Variants in ITGA3 observed in about 807,000 individuals in gnomAD.
ITGA3 encodes the protein integrin subunit alpha 3.
Under a neutral mutation model 131.1 loss-of-function variants are expected in ITGA3, and 70 were observed. That is an observed-to-expected ratio of 0.53 (90% CI 0.44 to 0.65). The LOEUF (loss-of-function observed/expected upper bound fraction) is 0.65, where lower values mean the gene tolerates loss of function less well. ITGA3 is among the 30% of genes least tolerant of loss of function. The pLI, the probability that ITGA3 is intolerant of heterozygous loss-of-function variation, is 0.00. For synonymous variants in ITGA3, 537 were observed against 571.6 expected, an observed-to-expected ratio of 0.94 and a Z score of 0.86; for missense variants, 1,098 against 1,388.6, an observed-to-expected ratio of 0.79 and a Z score of 3.33.
intron 1 of ITGA3, among the ~76,000 whole-genome samples, chr17:50,059,483 A>G (rs911630278): frequency 6.6e-6 from 1 of 152,206 alleles, no homozygotes; most frequent in African/African-American, 2.4e-5. Flanking sequence ...CTCACCTGCC[A>G]TGCTCTCCTA....
At chr17:50,074,047 G>C (rs1376455158) in intron 8 of ITGA3, 43 bp downstream of exon 8, 1 of 1,561,242 alleles carries the variant, frequency 6.4e-7, no homozygotes, top group Admixed American at 1.7e-5. Context: ...CACCAGCCGA[G>C]ATGGGCCTTC....
rs1390476298 is a variant in ITGA3 at position 50,076,530 on chromosome 17, C to T, written c.1825-54C>T. The T allele has an allele frequency of 6.3e-7, 1 of 1,594,900 alleles. No homozygotes were observed. Among genetic ancestry groups the T allele is most frequent in the Non-Finnish European group, 8.6e-7 (1 of 1,168,730 alleles). The stretch of plus-strand genomic sequence containing the variant: ...ACCAGGGGCCAGAAGGGCGGTGGGG[C>T]GAGAGGGCACTGGGGGGGGTGGTGC... On this transcript the variant is annotated intron_variant, in intron 13 of 25. Coordinates refer to ENST00000320031, the MANE Select transcript of ITGA3 (RefSeq NM_002204.4).
At position 50,071,370 on chromosome 17, in the gene ITGA3, G is replaced by A; in HGVS notation, c.811G>A (p.Gly271Ser). ...LHPKNITIVT[G>S]APRHRHMGAV... ...CCCCAAAAACATCACCATTGTGACA[G>A]GTGCCCCACGGCACCGACATATGGG... Residue 271 changes from glycine (G) to serine (S), a missense_variant, in exon 6 of 26, where the codon GGT becomes AGT. By Grantham distance (56) the Gly-to-Ser change is moderately conservative. Around this residue, in one of 3 missense-constraint regions of ITGA3, gnomAD observed 356 missense variants for 529.2 expected, o/e 0.67. Coordinates refer to ENST00000320031, the MANE Select transcript of ITGA3 (RefSeq NM_002204.4). 1 of 1,614,208 alleles carries A rather than the reference G, an allele frequency of 6.2e-7. No homozygotes were observed. Among genetic ancestry groups the A allele is most frequent in the South Asian group, 1.1e-5 (1 of 91,088 alleles).
intron 6 of ITGA3, 160 bp from the exon 7 acceptor site, chr17:50,071,826 C>T: frequency 1.5e-6 from 1 of 665,580 alleles, no homozygotes; most frequent in South Asian, 1.9e-5. Flanking sequence ...TTGGCATCTC[C>T]ATGTCCTTCC....
chr17:50,082,817 A>G (rs193158873), intron 23 of ITGA3, among the ~76,000 whole-genome samples: 1 of 152,304 alleles, frequency 6.6e-6, no homozygotes, highest in African/African-American at 2.4e-5. Flanking sequence ...TTGAGAAATG[A>G]TTAGAAAAAA....
intron 7 of ITGA3, among the ~76,000 whole-genome samples, chr17:50,073,010 G>A (rs548157313): frequency 1.9e-4 from 29 of 152,252 alleles, no homozygotes; most frequent in African/African-American, 6.7e-4. Flanking sequence ...AGCCTCTGAA[G>A]ACCCAAAATA....
chr17:50,073,807 A>C (rs1397451602), intron 7 of ITGA3, 109 bp from the exon 8 acceptor site: 2 of 782,182 alleles, frequency 2.6e-6, no homozygotes, highest in East Asian at 4.9e-5. Flanking sequence ...CTGCCCATCA[A>C]TCAGGCCAAG....
At chr17:50,075,810 G>A in intron 12 of ITGA3, 75 bp downstream of exon 12, 5 of 1,515,082 alleles carry the variant, frequency 3.3e-6, no homozygotes, top group Non-Finnish European at 4.5e-6. Context: ...CCTAGATCAA[G>A]GGTGAGGGAC....
chr17:50,057,381 A>T (rs1255591742), intron 1 of ITGA3, among the ~76,000 whole-genome samples: 1 of 152,204 alleles, frequency 6.6e-6, no homozygotes, highest in East Asian at 1.9e-4. Context: ...TTGAAGAGGG[A>T]AACAGTGTTT....
chr17:50,074,559 C>T (rs950379864), intron 10 of ITGA3, 25 bp downstream of exon 10: 1 of 1,537,196 alleles, frequency 6.5e-7, no homozygotes, highest in African/African-American at 1.4e-5. Flanking sequence ...CCCACCTACT[C>T]CTCATTTATT....
rs61730088 is a variant in ITGA3 at position 50,071,488 on chromosome 17, C to T, written c.929C>T (p.Ala310Val). Residue 310 changes from alanine (A) to valine (V), a missense_variant, in exon 6 of 26, where the codon GCC (alanine) becomes GTC (valine). By Grantham distance (64) the Ala-to-Val change is moderately conservative (BLOSUM62 0). Transcript: ENST00000320031. ...CAGGTGGGCGCCTATTTTGGCAGCGCCATTGCCCTGGCAGACCTGAACAAT... is the reference window on the plus strand; with the variant it reads ...CAGGTGGGCGCCTATTTTGGCAGCGTCATTGCCCTGGCAGACCTGAACAAT... ...GSQVGAYFGS[A>V]IALADLNNDG... 9,243 of 1,611,252 alleles carry T rather than the reference C, an allele frequency of 5.7e-3. 33 individuals are homozygous for T. The highest frequency in any genetic ancestry group is 6.8e-3 in the Non-Finnish European group (7,980 of 1,179,806).
Position 50,056,562 on chromosome 17 carries a change from A to C in ITGA3, c.123A>C (p.Val41=). 6.4e-7 allele frequency: 1 copy of C among 1,573,704 alleles called. No individual in the cohort carries two copies. The highest frequency in any genetic ancestry group is 8.6e-7 in the Non-Finnish European group (1 of 1,160,570). ...TCAACCTGGATACCCGATTCCTGGT[A>C]GTGAAGGAGGCCGGGAACCCGGGCA... ...SAFNLDTRFL[V]VKEAGNPGSL... is the part of the protein sequence containing the mutation. The change falls in exon 1 of 26, where the codon GTA becomes GTC. Residue 41 remains valine (V), a synonymous_variant. Coordinates refer to ENST00000320031, the MANE Select transcript of ITGA3 (RefSeq NM_002204.4). This position sits in a 1 kb window ranked among gnomAD's most constrained non-coding sequence, Gnocchi z 5.6.
At chr17:50,070,960 G>A in intron 5 of ITGA3, 30 bp downstream of exon 5, 1 of 1,374,586 alleles carries the variant, frequency 7.3e-7, no homozygotes, top group Non-Finnish European at 1.0e-6. Flanking sequence ...CCCATCAAGT[G>A]GTAGAGGGGA....
intron 23 of ITGA3, among the ~76,000 whole-genome samples, chr17:50,082,684 C>A (rs555094708): frequency 6.6e-6 from 1 of 152,264 alleles, no homozygotes; most frequent in South Asian, 2.1e-4. Context: ...ATACCCAAAC[C>A]CCCTAGGTTT....
chr17:50,087,731 C>G lies in ITGA3; in HGVS notation c.2920-13C>G. 6.2e-7 allele frequency: 1 copy of G among 1,610,066 alleles called. No individual in the cohort carries two copies. Among genetic ancestry groups the G allele is most frequent in the Non-Finnish European group, 8.5e-7 (1 of 1,177,856 alleles). On this transcript the variant is annotated splice_polypyrimidine_tract_variant and intron_variant, in intron 23 of 25. Coordinates refer to ENST00000320031, the MANE Select transcript of ITGA3 (RefSeq NM_002204.4). ...GGCTGACACAGGGCTGAGTCCTCCTCTCCCCGCTCCAGTTCTCTGTGGACA... is the reference window on the plus strand; with the variant it reads ...GGCTGACACAGGGCTGAGTCCTCCTGTCCCCGCTCCAGTTCTCTGTGGACA...
At chr17:50,063,966 G>T in intron 1 of ITGA3, 111 bp from the exon 2 acceptor site, 3 of 1,421,972 alleles carry the variant, frequency 2.1e-6, no homozygotes, top group East Asian at 2.5e-5. Context: ...GGCAGGAGCT[G>T]GGGGTCTCCT....
At chr17:50,078,630 A>G (rs1221529497) in intron 18 of ITGA3, among the ~76,000 whole-genome samples, 194 bp from the exon 19 acceptor site, 4 of 152,216 alleles carry the variant, frequency 2.6e-5, no homozygotes, top group Non-Finnish European at 5.9e-5. Context: ...TCCATTTTAC[A>G]GATGAGGAGA....
rs934059677 is a variant in ITGA3 at position 50,090,347 on chromosome 17, C to T, written c.*1269C>T. The T allele has an allele frequency of 4.7e-6, 2 of 428,924 alleles. No homozygotes were observed. The highest frequency in any genetic ancestry group is 4.8e-5 in the Admixed American group (2 of 41,430). 26.6% of individuals were successfully genotyped at this position (428,924 alleles called of 1,614,324 possible). On this transcript the variant is annotated 3_prime_UTR_variant, in exon 26 of 26. Coordinates refer to ENST00000320031, the MANE Select transcript of ITGA3 (RefSeq NM_002204.4). ...TAGTTCCAGAAAACCTCTCCTGACC[C>T]CTGCCTGTTGGCAGGCCCACTCCCC...
In ITGA3 at chr17:50,089,199, A is replaced by G; in HGVS notation, c.*121A>G. 1 of 1,613,440 alleles carries G rather than the reference A, an allele frequency of 6.2e-7. No homozygotes were observed. The highest frequency in any genetic ancestry group is 8.5e-7 in the Non-Finnish European group (1 of 1,179,652). On this transcript the variant is annotated 3_prime_UTR_variant, in exon 26 of 26. Coordinates refer to ENST00000320031, the MANE Select transcript of ITGA3 (RefSeq NM_002204.4). ...GGGAGGAGGAGCGCTACCCACCTCC[A>G]GGGAGCACCCTGCCCACCAAGAAGC...
Sources: allele counts gnomAD v4.1 joint callset (sites outside exome capture counted in the v4.1 genomes callset), GRCh38; gene constraint gnomAD v4.1.1; regional missense constraint gnomAD v4.1.1; non-coding constraint Gnocchi (gnomAD v3.1); transcripts MANE v1.5; gene names NCBI Gene and HGNC (gene_info 2026-07-23, HGNC 2026-07-21).